The following PHF21B variants were observed in gnomAD, a reference collection of about 807,000 sequenced individuals.
The protein encoded by PHF21B is PHD finger protein 4.
A neutral mutation model predicts 62.2 loss-of-function variants in PHF21B; 22 were observed. That is an observed-to-expected ratio of 0.35 (90% CI 0.25 to 0.51). The LOEUF (loss-of-function observed/expected upper bound fraction) is 0.51, where lower values mean the gene tolerates loss of function less well. Among genes scored for constraint, PHF21B ranks in the 20% least tolerant of loss-of-function variants. The pLI is 0.97. For synonymous variants in PHF21B, 341 were observed against 314.7 expected (o/e 1.08, Z -0.88); for missense variants, 701 against 707.9 (o/e 0.99, Z 0.11).
At chr22:44,955,893 C>T (rs1025169223) in intron 2 of PHF21B, among the ~76,000 whole-genome samples, 2 of 152,188 alleles carry the variant, frequency 1.3e-5, no homozygotes, top group Non-Finnish European at 2.9e-5. Context: ...CCATGGTCAG[C>T]ACTCAAAGAC....
Position 44,885,508 on chromosome 22 carries a change from T to G in PHF21B, c.1295A>C (p.Lys432Thr), listed in dbSNP as rs1252260811. ...HKTVKEEEKQ[K>T]LLQRGSELQN... ...CAGCTCACTGCCTCGTTGCAGCAGC[T>G]TCTGCTTCTCCTCTTCTTTGACTAG... is the stretch of plus-strand genomic sequence containing the variant. Residue 432 changes from lysine to threonine, a missense_variant, in exon 12 of 13, where the codon AAG (lysine) becomes ACG (threonine). Transcript: ENST00000313237. The G allele has an allele frequency of 1.9e-6, 3 of 1,597,338 alleles. No individual in the cohort carries two copies. The highest frequency in any genetic ancestry group is 2.6e-6 in the Non-Finnish European group (3 of 1,172,074).
chr22:44,918,069 C>T (rs541778581), intron 3 of PHF21B, among the ~76,000 whole-genome samples: 1 of 152,390 alleles, frequency 6.6e-6, no homozygotes, highest in East Asian at 1.9e-4. Context: ...CCTTTGTCCC[C>T]CAATGCCAGG....
chr22:44,978,997 A>C (rs569668879), intron 2 of PHF21B, among the ~76,000 whole-genome samples: 3 of 152,176 alleles, frequency 2.0e-5, no homozygotes, highest in Non-Finnish European at 4.4e-5. Flanking sequence ...CCCCAGTAAC[A>C]ACCACCCCCT....
intron 2 of PHF21B, among the ~76,000 whole-genome samples, chr22:44,956,819 C>T (rs572390797): frequency 2.6e-5 from 4 of 152,324 alleles, no homozygotes; most frequent in East Asian, 1.9e-4. Flanking sequence ...CCCCTCCACG[C>T]GGTGGGCTCT....
intron 5 of PHF21B, among the ~76,000 whole-genome samples, chr22:44,906,458 T>C (rs1445558473): frequency 6.6e-6 from 1 of 152,210 alleles, no homozygotes; most frequent in African/African-American, 2.4e-5. Context: ...TAACAGGGCT[T>C]GCTCAGAGAG....
At position 44,898,546 on chromosome 22, in the gene PHF21B, G is replaced by A. The variant is rs927732519; in HGVS notation, c.832-2463C>T. Among the ~76,000 whole-genome samples the A allele has an allele frequency of 6.6e-5, 10 of 152,194 alleles. No individual in the cohort carries two copies. In the East Asian group the frequency reaches 1.7e-3, roughly 26 times the overall value. ...GGAGCTGGGAATCAGACTCCACTCA[G>A]GCAGGGCTTTTTTCACTTTGTTGCC... On this transcript the variant is annotated intron_variant, in intron 5 of 12. Coordinates refer to ENST00000313237, the MANE Select transcript of PHF21B (RefSeq NM_138415.5).
At chr22:44,907,971 C>T (rs1340007041) in intron 5 of PHF21B, among the ~76,000 whole-genome samples, 1 of 152,082 alleles carries the variant, frequency 6.6e-6, no homozygotes, top group African/African-American at 2.4e-5. Context: ...GCCTTGTGGC[C>T]CCCTGGGAAG....
At chr22:44,949,840 G>A (rs2072157994) in intron 2 of PHF21B, among the ~76,000 whole-genome samples, 2 of 149,646 alleles carry the variant, frequency 1.3e-5, no homozygotes, top group South Asian at 4.3e-4. Flanking sequence ...ACGTTCTTAA[G>A]TTCAGGTGAT....
At chr22:44,897,431 A>G (rs938291254) in intron 5 of PHF21B, among the ~76,000 whole-genome samples, 39 of 152,282 alleles carry the variant, frequency 2.6e-4, no homozygotes, top group African/African-American at 9.1e-4. Flanking sequence ...ATGTTATATA[A>G]GACCCCTGTT....
chr22:45,007,085 G>T (rs893458304), intron 2 of PHF21B, among the ~76,000 whole-genome samples: 2 of 151,858 alleles, frequency 1.3e-5, no homozygotes, highest in Non-Finnish European at 2.9e-5. Flanking sequence ...CTCCCGGACG[G>T]GGGCGCGCGG....
chr22:44,889,642 GAAA>G (rs2070925437), intron 9 of PHF21B, 115 bp downstream of exon 9: 1 of 1,279,934 alleles, frequency 7.8e-7, no homozygotes, highest in Non-Finnish European at 1.1e-6. Flanking sequence ...AGGCAGAACC[GAAA>G]GGCCTTCTGC....
intron 2 of PHF21B, among the ~76,000 whole-genome samples, chr22:44,958,598 ATT>A (rs59943293): frequency 1.3e-3 from 96 of 75,888 alleles, no homozygotes; most frequent in African/African-American, 4.7e-3. Context: ...CCTTCCTTTG[ATT>A]TTTTTTTTTT....
intron 2 of PHF21B, among the ~76,000 whole-genome samples, chr22:44,975,124 A>T (rs2072712865): frequency 1.3e-5 from 2 of 152,014 alleles, no homozygotes; most frequent in South Asian, 4.2e-4. Context: ...GAGGGAAGAG[A>T]GCAGAGAATC....
intron 5 of PHF21B, among the ~76,000 whole-genome samples, chr22:44,911,218 A>G (rs1323214694): frequency 1.3e-5 from 2 of 152,214 alleles, no homozygotes; most frequent in African/African-American, 2.4e-5. Context: ...AACAGAGCAT[A>G]AAAGTTCAGA....
intron 7 of PHF21B, 46 bp downstream of exon 7, chr22:44,893,410 TG>T: frequency 6.5e-7 from 1 of 1,544,942 alleles, no homozygotes. Flanking sequence ...GGCTGTGCAC[TG>T]GGAGCCCCCA....
At chr22:44,966,651 C>G (rs1601655351) in intron 2 of PHF21B, among the ~76,000 whole-genome samples, 2 of 152,234 alleles carry the variant, frequency 1.3e-5, no homozygotes, top group South Asian at 4.1e-4. Context: ...GGGGGCCAGG[C>G]CAACCCTGCC....
chr22:44,893,778 A>C (rs1372311522), intron 6 of PHF21B, among the ~76,000 whole-genome samples: 1 of 152,216 alleles, frequency 6.6e-6, no homozygotes, highest in African/African-American at 2.4e-5. Context: ...AGGTACCCAG[A>C]ATCCAGGTGC....
At position 44,994,570 on chromosome 22, in the gene PHF21B, C is replaced by T. The variant is rs140151227; in HGVS notation, c.120+13975G>A. On this transcript the variant is annotated intron_variant, in intron 2 of 12. Transcript: ENST00000313237. ...TTCTGCTATTTTACGCTGCCCAGCT[C>T]GTGGGGATCAGTTACGGCAGCCACA... Among the ~76,000 whole-genome samples, 467 of 152,334 alleles carry T rather than the reference C, an allele frequency of 3.1e-3. 1 individual carries two copies. Among genetic ancestry groups the T allele is most frequent in the Non-Finnish European group, 5.5e-3 (374 of 68,036 alleles).
chr22:44,895,397 C>A (rs2071038422), intron 6 of PHF21B, among the ~76,000 whole-genome samples: 1 of 152,192 alleles, frequency 6.6e-6, no homozygotes. Flanking sequence ...GTCACACAGC[C>A]CCTTCGTAGA....
Sources: gnomAD v4.1 joint callset for allele counts (sites outside exome capture counted in the v4.1 genomes callset) on GRCh38, gnomAD v4.1.1 for gene constraint, MANE v1.5 for transcripts, NCBI Gene and HGNC (gene_info 2026-07-23, HGNC 2026-07-21) for gene names.